Variants in ERC2 observed in about 807,000 individuals in gnomAD.
The protein encoded by ERC2 is ERC protein 2.
A neutral mutation model predicts 114.8 loss-of-function variants in ERC2; 42 were observed. The observed-to-expected ratio is 0.37, with a 90% CI of 0.29 to 0.47. The LOEUF (loss-of-function observed/expected upper bound fraction) is 0.47. Ranked by LOEUF, ERC2 falls within the 20% of genes least tolerant of loss-of-function variation. ERC2 has a pLI of 0.99. For missense variants in ERC2, 939 were observed against 1,150.7 expected, an observed-to-expected ratio of 0.82 and a Z score of 2.66; for synonymous variants, 454 against 425.5, an observed-to-expected ratio of 1.07 and a Z score of -0.82.
At chr3:56,216,058 A>G (rs1402241206) in intron 3 of ERC2, among the ~76,000 whole-genome samples, 1 of 152,226 alleles carries the variant, frequency 6.6e-6, no homozygotes, top group Admixed American at 6.5e-5. Context: ...TCTAAAATTG[A>G]CACCCTAACA....
At chr3:56,000,430 A>G (rs985255099) in intron 10 of ERC2, among the ~76,000 whole-genome samples, 2 of 152,186 alleles carry the variant, frequency 1.3e-5, no homozygotes, top group South Asian at 4.1e-4. Context: ...TATAAAACAC[A>G]GAATAACTCA....
chr3:55,793,445 A>G (rs1219949189), intron 14 of ERC2, among the ~76,000 whole-genome samples: 1 of 152,148 alleles, frequency 6.6e-6, no homozygotes, highest in Non-Finnish European at 1.5e-5. Context: ...TTTGCCTAAG[A>G]GTAAGCAGAA....
intron 3 of ERC2, among the ~76,000 whole-genome samples, chr3:56,213,350 G>A (rs1035825402): frequency 6.6e-6 from 1 of 152,284 alleles, no homozygotes; most frequent in South Asian, 2.1e-4. Flanking sequence ...CTTAGCAAAC[G>A]GCACACCAGG....
At chr3:56,398,132 T>G (rs10212434) in intron 2 of ERC2, among the ~76,000 whole-genome samples, 65,766 of 152,022 alleles carry the variant, frequency 0.43, 15,654 homozygotes, top group East Asian at 0.63. Context: ...TGGGGGAAAA[T>G]AGAATTGGAA....
intron 17 of ERC2, among the ~76,000 whole-genome samples, chr3:55,564,190 A>T (rs1482197019): frequency 6.6e-6 from 1 of 152,190 alleles, no homozygotes; most frequent in Non-Finnish European, 1.5e-5. Flanking sequence ...GATGTTTTGA[A>T]GACGGAGAGA....
intron 17 of ERC2, among the ~76,000 whole-genome samples, chr3:55,566,411 T>G: frequency 8.2e-6 from 1 of 121,618 alleles, no homozygotes; most frequent in East Asian, 2.1e-4. Context: ...GTAATTCTAT[T>G]TATTTATTTA....
At chr3:56,276,715 A>T (rs1405339552) in intron 3 of ERC2, among the ~76,000 whole-genome samples, 1 of 152,204 alleles carries the variant, frequency 6.6e-6, no homozygotes, top group Non-Finnish European at 1.5e-5. Context: ...GAGAAAGAAC[A>T]ACGCATGTGC....
chr3:55,875,066 C>T (rs1365659683), intron 14 of ERC2, among the ~76,000 whole-genome samples: 1 of 152,172 alleles, frequency 6.6e-6, no homozygotes, highest in Non-Finnish European at 1.5e-5. Context: ...CTGCTCACAG[C>T]AGTCAGCTTC....
intron 2 of ERC2, among the ~76,000 whole-genome samples, chr3:56,381,049 T>C (rs2059729395): frequency 6.6e-6 from 1 of 152,182 alleles, no homozygotes. Flanking sequence ...CAGAAAAGCT[T>C]AAGCACAACT....
Position 55,639,871 on chromosome 3 carries a change from G to T in ERC2, c.*39+43923C>A, listed in dbSNP as rs147930893. 2.6e-5 allele frequency among the ~76,000 whole-genome samples: 4 copies of T among 152,260 alleles called. No homozygotes were observed. The East Asian group carries it at 5.8e-4, about 22-fold the overall frequency. On this transcript the variant is annotated intron_variant, in intron 17 of 17. Transcript: ENST00000288221. ...CCTGTGTTGCCGATGAGTTTATCAAGGGCAGGAAGCAGATGTTTTCACACT... is the reference window on the plus strand; with the variant it reads ...CCTGTGTTGCCGATGAGTTTATCAATGGCAGGAAGCAGATGTTTTCACACT...
chr3:56,396,701 T>G (rs1362208929), intron 2 of ERC2, among the ~76,000 whole-genome samples: 1 of 150,606 alleles, frequency 6.6e-6, no homozygotes, highest in Non-Finnish European at 1.5e-5. Flanking sequence ...TTTGTTTTTG[T>G]TTTTGTTTTT....
intron 14 of ERC2, among the ~76,000 whole-genome samples, chr3:55,765,642 T>G (rs1452510304): frequency 6.6e-6 from 1 of 152,186 alleles, no homozygotes; most frequent in African/African-American, 2.4e-5. Flanking sequence ...TACTTGAGGC[T>G]TTTTTCCCTG....
At chr3:55,600,171 T>C (rs1021343636) in intron 17 of ERC2, among the ~76,000 whole-genome samples, 5 of 152,094 alleles carry the variant, frequency 3.3e-5, no homozygotes, top group African/African-American at 9.7e-5. Context: ...ATGATAGATA[T>C]GGGAATTACA....
At chr3:56,413,300 G>T (rs939373982) in intron 2 of ERC2, among the ~76,000 whole-genome samples, 16 of 152,184 alleles carry the variant, frequency 1.1e-4, no homozygotes, top group African/African-American at 3.4e-4. Context: ...CTCAGGACAG[G>T]GCCTTGCCAA....
intron 15 of ERC2, among the ~76,000 whole-genome samples, chr3:55,705,752 A>G (rs2063447447): frequency 6.6e-6 from 1 of 152,072 alleles, no homozygotes; most frequent in Non-Finnish European, 1.5e-5. Flanking sequence ...TCTCCCTCCC[A>G]ACTTTGTTAA....
At chr3:55,644,703 T>G (rs1419501693) in intron 17 of ERC2, among the ~76,000 whole-genome samples, 1 of 151,866 alleles carries the variant, frequency 6.6e-6, no homozygotes, top group Non-Finnish European at 1.5e-5. Context: ...AATTTGGAGT[T>G]TGGTGTAGAT....
At chr3:56,204,403 A>G (rs1446787898) in intron 3 of ERC2, among the ~76,000 whole-genome samples, 5 of 152,238 alleles carry the variant, frequency 3.3e-5, no homozygotes, top group Non-Finnish European at 7.3e-5. Flanking sequence ...TCTCACTTTT[A>G]TTAAGAGACA....
intron 3 of ERC2, among the ~76,000 whole-genome samples, chr3:56,287,356 C>T (rs1490151763): frequency 6.6e-6 from 1 of 152,176 alleles, no homozygotes; most frequent in Non-Finnish European, 1.5e-5. Context: ...TGGGAGAGGT[C>T]TAAGTGCCAC....
In ERC2 at chr3:56,457,721, C is replaced by A. The variant is rs1577055385; in HGVS notation, c.-141+10527G>T. ...GCTCTACAGTTCTACCTACATTTAC[C>A]TCCGTGAACCCTGAATCTCCCATTC... On this transcript the variant is annotated intron_variant, in intron 1 of 17. Transcript: ENST00000288221. 2.6e-5 allele frequency among the ~76,000 whole-genome samples: 4 copies of A among 152,246 alleles called. No homozygotes were observed. In the South Asian group the frequency reaches 8.3e-4, roughly 32 times the overall value.
Sources: allele counts gnomAD v4.1 joint callset (sites outside exome capture counted in the v4.1 genomes callset), GRCh38; gene constraint gnomAD v4.1.1; transcripts MANE v1.5; gene names NCBI Gene and HGNC (gene_info 2026-07-23, HGNC 2026-07-21).